ATXN7: variants seen among roughly 807,000 people sequenced by gnomAD.
ATXN7 encodes the protein ataxin-7.
A neutral mutation model predicts 70.5 loss-of-function variants in ATXN7; 12 were observed. The ratio of observed to expected loss-of-function variants is 0.17; its 90% CI spans 0.11 to 0.28. ATXN7 has a LOEUF of 0.28. ATXN7 is among the 10% of genes least tolerant of loss of function. ATXN7 has a pLI of 1.00. For missense variants in ATXN7, 1,256 were observed against 1,131.7 expected, an observed-to-expected ratio of 1.11 and a Z score of -1.58; for synonymous variants, 498 against 448.7, an observed-to-expected ratio of 1.11 and a Z score of -1.39.
chr3:63,863,901 G>GGCGGCGGCGCCCGCGGCCGCCT lies in ATXN7; in HGVS notation c.-365_-344dup. On this transcript the variant is annotated 5_prime_UTR_variant, in exon 1 of 13. It introduces an in-frame stop codon into an upstream open reading frame of the 5' UTR. Coordinates refer to ENST00000674280, the MANE Select transcript of ATXN7 (RefSeq NM_001377405.1). ...CCGGGTAAACAGCCATGGAGGAGGAGGCGGCGGCGCCCGCGGCCGCCTGCT... is the reference window on the plus strand; with the variant it reads ...CCGGGTAAACAGCCATGGAGGAGGAGGCGGCGGCGCCCGCGGCCGCCTGCGGCGGCGCCCGCGGCCGCCTGCT... The GGCGGCGGCGCCCGCGGCCGCCT allele has an allele frequency of 9.1e-7, 1 of 1,104,686 alleles. No homozygotes were observed. The highest frequency in any genetic ancestry group is 1.1e-6 in the Non-Finnish European group (1 of 906,216). 68.4% of individuals were successfully genotyped at this position (1,104,686 alleles called of 1,614,324 possible).
intron 4 of ATXN7, among the ~76,000 whole-genome samples, chr3:63,915,367 GTTC>G (rs1407735030): frequency 6.6e-6 from 1 of 152,202 alleles, no homozygotes; most frequent in Non-Finnish European, 1.5e-5. Context: ...AATTCAGTCA[GTTC>G]TTCATTTGTT....
At chr3:63,981,103 C>G (rs1575983081) in intron 6 of ATXN7, among the ~76,000 whole-genome samples, 2 of 152,202 alleles carry the variant, frequency 1.3e-5, no homozygotes, top group East Asian at 3.9e-4. Context: ...GGTCCAAGAT[C>G]CGGTAACCTG....
intron 9 of ATXN7, among the ~76,000 whole-genome samples, chr3:63,989,573 C>A (rs139846465): frequency 6.9e-6 from 1 of 145,350 alleles, no homozygotes; most frequent in African/African-American, 2.6e-5. Context: ...TTTTTTTTTT[C>A]TTGTCTCAGT....
intron 1 of ATXN7, among the ~76,000 whole-genome samples, chr3:63,893,830 A>G (rs1703361872): frequency 1.7e-5 from 2 of 120,374 alleles, no homozygotes; most frequent in Non-Finnish European, 3.8e-5. Context: ...CAGTAGCACC[A>G]TTGAAAAAAG....
At chr3:63,942,408 A>G (rs1175251733) in intron 4 of ATXN7, among the ~76,000 whole-genome samples, 4 of 152,200 alleles carry the variant, frequency 2.6e-5, no homozygotes, top group Non-Finnish European at 1.5e-5. Context: ...TACGTGGAAC[A>G]CAGGAGGCAC....
intron 4 of ATXN7, among the ~76,000 whole-genome samples, chr3:63,934,780 G>T (rs2074627427): frequency 1.3e-5 from 2 of 152,184 alleles, no homozygotes. Flanking sequence ...CCCCCATAGG[G>T]CTCTTACGAG....
chr3:63,914,329 C>G (rs1409764853), intron 4 of ATXN7, among the ~76,000 whole-genome samples: 2 of 152,138 alleles, frequency 1.3e-5, no homozygotes, highest in Non-Finnish European at 2.9e-5. Context: ...TTTTTGGCCT[C>G]TTGGCACTCG....
At chr3:63,866,431 A>C (rs1702432253) in intron 1 of ATXN7, among the ~76,000 whole-genome samples, 1 of 151,756 alleles carries the variant, frequency 6.6e-6, no homozygotes, top group Admixed American at 6.6e-5. Context: ...TTTTATTTTT[A>C]TTTTTGTAGA....
At chr3:63,918,981 C>G (rs927650831) in intron 4 of ATXN7, among the ~76,000 whole-genome samples, 5 of 152,190 alleles carry the variant, frequency 3.3e-5, no homozygotes, top group Non-Finnish European at 1.5e-5. Context: ...CTGTGCGTGT[C>G]TCCTTCCTTG....
At chr3:63,943,423 G>C (rs1366757177) in intron 4 of ATXN7, among the ~76,000 whole-genome samples, 4 of 152,204 alleles carry the variant, frequency 2.6e-5, no homozygotes, top group African/African-American at 9.6e-5. Flanking sequence ...CTGGGGAGCA[G>C]GGGGAGTGTA....
Position 63,980,003 on chromosome 3 carries a change from A to G in ATXN7, c.588A>G (p.Lys196=). 6.2e-7 allele frequency: 1 copy of G among 1,614,186 alleles called. No individual in the cohort carries two copies. Among genetic ancestry groups the G allele is most frequent in the Non-Finnish European group, 8.5e-7 (1 of 1,180,036 alleles). The change falls in exon 6 of 13, where the codon AAA becomes AAG. Residue 196 remains lysine (K), a synonymous_variant. Coordinates refer to ENST00000674280, the MANE Select transcript of ATXN7 (RefSeq NM_001377405.1). The stretch of plus-strand genomic sequence containing the variant: ...TCTTCCCTTCTCTGTCCAAAAGCAA[A>G]GGAGGCAGTGCAAGTGGAAGCAACC... ...FSFFPSLSKS[K]GGSASGSNRS... is the part of the protein sequence containing the mutation.
chr3:63,948,963 A>G (rs908625180), intron 4 of ATXN7, among the ~76,000 whole-genome samples: 1 of 152,254 alleles, frequency 6.6e-6, no homozygotes, highest in Middle Eastern at 3.2e-3. Context: ...CCTAAGTTGT[A>G]TATTACAAGT....
intron 12 of ATXN7, chr3:63,998,741 C>T: frequency 1.0e-6 from 1 of 961,122 alleles, no homozygotes; most frequent in South Asian, 4.8e-5. Context: ...GTATAGCTTT[C>T]ATAAGAATCT....
intron 2 of ATXN7, chr3:63,904,835 T>C (rs866383777): frequency 2.0e-5 from 3 of 152,240 alleles, no homozygotes; most frequent in African/African-American, 7.2e-5. Context: ...CTGCACTGTT[T>C]TACATTCCTG....
At chr3:63,884,247 TCACA>T (rs146073940) in intron 1 of ATXN7, among the ~76,000 whole-genome samples, 4 of 142,440 alleles carry the variant, frequency 2.8e-5, no homozygotes, top group East Asian at 2.1e-4. Context: ...ACACATACTC[TCACA>T]CACACACACA....
chr3:63,900,602 T>A (rs767142800), intron 2 of ATXN7: 3 of 152,298 alleles, frequency 2.0e-5, no homozygotes, highest in Non-Finnish European at 4.4e-5. Flanking sequence ...TGGTGTCCAA[T>A]CACTGACAAT....
At chr3:63,981,646 TAAACACTA>T (rs1399563661) in intron 6 of ATXN7, among the ~76,000 whole-genome samples, 7 of 152,242 alleles carry the variant, frequency 4.6e-5, no homozygotes, top group African/African-American at 1.7e-4. Context: ...ATATATTTAT[TAAACACTA>T]GTCTCCCTTA....
At chr3:63,922,119 T>G (rs1447933432) in intron 4 of ATXN7, among the ~76,000 whole-genome samples, 1 of 152,136 alleles carries the variant, frequency 6.6e-6, no homozygotes, top group Non-Finnish European at 1.5e-5. Context: ...ACTGCAGGCT[T>G]GACTTCACTT....
intron 4 of ATXN7, among the ~76,000 whole-genome samples, chr3:63,929,483 C>T (rs938677995): frequency 2.6e-5 from 4 of 151,884 alleles, no homozygotes; most frequent in Admixed American, 6.6e-5. Context: ...ATGTTGGCCA[C>T]GATGGTCTCG....
Sources: gnomAD v4.1 joint callset for allele counts (sites outside exome capture counted in the v4.1 genomes callset) on GRCh38, gnomAD v4.1.1 for gene constraint, MANE v1.5 for transcripts, NCBI Gene and HGNC (gene_info 2026-07-23, HGNC 2026-07-21) for gene names.